PSD3: variants seen among roughly 807,000 people sequenced by gnomAD.
PSD3 encodes the protein PH and SEC7 domain-containing protein 3.
Under a neutral mutation model 105.5 loss-of-function variants are expected in PSD3, and 49 were observed. The observed-to-expected ratio is 0.46, with a 90% CI of 0.37 to 0.59. The LOEUF is 0.59. PSD3 is among the 20% of genes least tolerant of loss of function. The pLI, the probability that PSD3 is intolerant of heterozygous loss-of-function variation, is 0.00. For synonymous variants in PSD3, 557 were observed against 457.8 expected, an observed-to-expected ratio of 1.22 and a Z score of -2.77; for missense variants, 1,561 against 1,263.8, an observed-to-expected ratio of 1.24 and a Z score of -3.57.
intron 1 of PSD3, among the ~76,000 whole-genome samples, chr8:19,054,437 T>A (rs190572686): frequency 3.3e-5 from 5 of 152,150 alleles, no homozygotes; most frequent in African/African-American, 1.2e-4. Context: ...GACTGAATAA[T>A]GTTTGTTGAG....
chr8:18,706,109 G>T (rs1481236778), intron 9 of PSD3, among the ~76,000 whole-genome samples: 4 of 152,210 alleles, frequency 2.6e-5, no homozygotes, highest in Non-Finnish European at 5.9e-5. Flanking sequence ...CACAGGAAGG[G>T]CTTGTCACTG....
chr8:19,035,219 A>C (rs1827901650), intron 1 of PSD3, among the ~76,000 whole-genome samples: 1 of 152,222 alleles, frequency 6.6e-6, no homozygotes, highest in Non-Finnish European at 1.5e-5. Context: ...ATAGCACTAC[A>C]TAATAATGAT....
chr8:19,021,487 G>C (rs901010749), intron 1 of PSD3, among the ~76,000 whole-genome samples: 3 of 149,716 alleles, frequency 2.0e-5, no homozygotes. Context: ...TAACTAAAAA[G>C]ACAGATTTGG....
intron 9 of PSD3, among the ~76,000 whole-genome samples, chr8:18,680,016 C>T (rs568230540): frequency 6.6e-6 from 1 of 152,294 alleles, no homozygotes; most frequent in Admixed American, 6.5e-5. Flanking sequence ...AAAGAAACAA[C>T]AGTTTGAGAT....
At chr8:18,584,794 T>TG (rs908281363) in intron 12 of PSD3, among the ~76,000 whole-genome samples, 15 of 152,228 alleles carry the variant, frequency 9.9e-5, no homozygotes, top group African/African-American at 3.4e-4. Flanking sequence ...TTCAAAAAGG[T>TG]GGGGGGCTCC....
At chr8:18,755,236 C>A (rs1585850810) in intron 9 of PSD3, among the ~76,000 whole-genome samples, 1 of 152,018 alleles carries the variant, frequency 6.6e-6, no homozygotes, top group African/African-American at 2.4e-5. Context: ...CGAGACCAGC[C>A]TGGTCAACAT....
At chr8:18,730,521 C>A (rs745368587) in intron 9 of PSD3, among the ~76,000 whole-genome samples, 3 of 152,136 alleles carry the variant, frequency 2.0e-5, no homozygotes, top group Non-Finnish European at 4.4e-5. Context: ...ACCCTTAGTA[C>A]CTCTGAGGAA....
At position 18,908,302 on chromosome 8, in the gene PSD3, T is replaced by G. The variant is rs182623645; in HGVS notation, c.130+27732A>C. On this transcript the variant is annotated intron_variant, in intron 2 of 15. Coordinates refer to ENST00000327040, the MANE Select transcript of PSD3 (RefSeq NM_015310.4). ...TGGAAATATACACTTTAAATCACCA[T>G]TTTTTGGATTAATATTTAAGGTCTT... Among the ~76,000 whole-genome samples, 300 of 152,268 alleles carry G rather than the reference T, an allele frequency of 2.0e-3. 3 individuals carry two copies. Among genetic ancestry groups the G allele is most frequent in the African/African-American group, 6.9e-3 (288 of 41,548 alleles).
chr8:18,685,080 G>C lies in PSD3; in HGVS notation c.2173-29395C>G, dbSNP rs1379322726. 2.0e-5 allele frequency among the ~76,000 whole-genome samples: 3 copies of C among 152,038 alleles called. No homozygotes were observed. The East Asian group carries it at 5.8e-4, about 29-fold the overall frequency. The stretch of plus-strand genomic sequence containing the variant: ...ATATAAATAACAAAACTTAAACATT[G>C]TTTACAAAGACCACTCTGGGAAAAA... On this transcript the variant is annotated intron_variant, in intron 9 of 15. Coordinates refer to ENST00000327040, the MANE Select transcript of PSD3 (RefSeq NM_015310.4).
intron 9 of PSD3, among the ~76,000 whole-genome samples, chr8:18,711,977 T>C (rs1190045659): frequency 1.3e-5 from 2 of 152,070 alleles, no homozygotes; most frequent in East Asian, 3.9e-4. Flanking sequence ...GAAACCCATA[T>C]AAAACCACAC....
chr8:18,946,263 G>A (rs1822848811), intron 1 of PSD3, among the ~76,000 whole-genome samples: 1 of 152,290 alleles, frequency 6.6e-6, no homozygotes, highest in Middle Eastern at 3.4e-3. Context: ...CCTAGCATGT[G>A]TAGCATTTTT....
At position 18,784,747 on chromosome 8, in the gene PSD3, T is replaced by C. The variant is rs1403894593; in HGVS notation, c.2082+14548A>G. On this transcript the variant is annotated intron_variant, in intron 8 of 15. Transcript: ENST00000327040. ...GAGTGAGGTCTGAAAAGGTCCTAAG[T>C]GTTGGGGCTTCTGTCCCTGTGATGT... is the stretch of plus-strand genomic sequence containing the variant. 2.6e-5 allele frequency among the ~76,000 whole-genome samples: 4 copies of C among 152,202 alleles called. No homozygotes were observed. The East Asian group carries it at 7.7e-4, about 29-fold the overall frequency.
intron 12 of PSD3, among the ~76,000 whole-genome samples, chr8:18,589,681 G>A (rs1803453123): frequency 6.6e-6 from 1 of 152,184 alleles, no homozygotes; most frequent in Admixed American, 6.5e-5. Flanking sequence ...GAGAAGGGGT[G>A]GCAGGCACCA....
At chr8:19,046,980 A>C (rs1302050454) in intron 1 of PSD3, among the ~76,000 whole-genome samples, 1 of 152,210 alleles carries the variant, frequency 6.6e-6, no homozygotes, top group East Asian at 1.9e-4. Context: ...TTAGGGGTTA[A>C]ATCTTAGGGC....
At chr8:18,567,043 G>C (rs943454456) in intron 14 of PSD3, among the ~76,000 whole-genome samples, 2 of 152,130 alleles carry the variant, frequency 1.3e-5, no homozygotes, top group Non-Finnish European at 1.5e-5. Flanking sequence ...AAAGTAAACA[G>C]AACTGTAGAT....
chr8:18,830,558 C>A lies in PSD3; in HGVS notation c.1635-25660G>T, dbSNP rs559784549. Among the ~76,000 whole-genome samples, 16 of 152,312 alleles carry A rather than the reference C, an allele frequency of 1.1e-4. No homozygotes were observed. In the South Asian group the frequency reaches 3.3e-3, roughly 32 times the overall value. ...AGAAATTATCTTCTGTCATTCAAAG[C>A]AGAGGAGCAGATATCAGGTATCAAA... On this transcript the variant is annotated intron_variant, in intron 4 of 15. Transcript: ENST00000327040.
chr8:18,647,605 GTTTTTTT>G (rs11293600), intron 10 of PSD3, among the ~76,000 whole-genome samples: 1 of 117,768 alleles, frequency 8.5e-6, no homozygotes, highest in Non-Finnish European at 1.8e-5. Context: ...ATTTAAAACT[GTTTTTTT>G]TTTTTTTTTG....
intron 8 of PSD3, among the ~76,000 whole-genome samples, chr8:18,776,693 T>A (rs1013808992): frequency 1.3e-5 from 2 of 152,150 alleles, no homozygotes; most frequent in African/African-American, 4.8e-5. Context: ...TCTTTAAATG[T>A]CTGACAGAAC....
chr8:18,584,450 C>T (rs894289013), intron 12 of PSD3, among the ~76,000 whole-genome samples: 5 of 152,196 alleles, frequency 3.3e-5, no homozygotes, highest in Non-Finnish European at 5.9e-5. Context: ...ATTAGCTTGG[C>T]TAGTACCATC....
Sources: gnomAD v4.1 joint callset for allele counts (sites outside exome capture counted in the v4.1 genomes callset) on GRCh38, gnomAD v4.1.1 for gene constraint, MANE v1.5 for transcripts, NCBI Gene and HGNC (gene_info 2026-07-23, HGNC 2026-07-21) for gene names.